The following WWP2 variants were observed in gnomAD, a reference collection of about 807,000 sequenced individuals.
WWP2 encodes the protein NEDD4-like E3 ubiquitin-protein ligase WWP2.
WWP2 carries 57 observed loss-of-function variants against 121.0 expected under a neutral mutation model. The ratio of observed to expected loss-of-function variants is 0.47; its 90% CI spans 0.38 to 0.59. The LOEUF (loss-of-function observed/expected upper bound fraction) is 0.59. Among genes scored for constraint, WWP2 ranks in the 20% least tolerant of loss-of-function variants. The pLI is 0.00. For missense variants in WWP2, 962 were observed against 1,158.9 expected (o/e 0.83, Z 2.47); for synonymous variants, 449 against 441.3 (o/e 1.02, Z -0.22).
intron 9 of WWP2, among the ~76,000 whole-genome samples, chr16:69,914,301 A>G (rs1467909174): frequency 6.6e-6 from 1 of 151,994 alleles, no homozygotes; most frequent in Non-Finnish European, 1.5e-5. Context: ...CCCAGAGGAT[A>G]AAAAAAGACT....
intron 8 of WWP2, among the ~76,000 whole-genome samples, chr16:69,902,441 A>T (rs939896389): frequency 6.6e-6 from 1 of 152,202 alleles, no homozygotes; most frequent in Admixed American, 6.6e-5. Context: ...AAGTACTTTG[A>T]AGTACAAAGA....
intron 8 of WWP2, among the ~76,000 whole-genome samples, chr16:69,894,016 T>C (rs966093517): frequency 2.0e-5 from 3 of 152,138 alleles, no homozygotes; most frequent in Non-Finnish European, 4.4e-5. Context: ...TCTCCCTCAC[T>C]GAGTGACAGG....
At chr16:69,933,874 A>C in intron 16 of WWP2, 96 bp from the exon 17 acceptor site, 193 of 1,431,820 alleles carry the variant, frequency 1.3e-4, no homozygotes, top group Middle Eastern at 1.8e-4. Flanking sequence ...GTGTCCCCAT[A>C]CTAACCTGAG....
In WWP2 at chr16:69,929,486, C is replaced by T; in HGVS notation, c.1273C>T (p.His425Tyr). ...QDNGRVYYVN[H>Y]NTRTTQWEDP... ...CAATGGACGGGTGTATTACGTGAAC[C>T]ATAACACTCGCACGACCCAGTGGGA... is the stretch of plus-strand genomic sequence containing the variant. The change falls in exon 12 of 24, where the codon CAT (histidine) becomes TAT (tyrosine). Residue 425 changes from histidine to tyrosine, a missense_variant. This residue lies in a region of WWP2 where 606 missense variants were observed against 772.6 expected (regional missense o/e 0.78). Transcript: ENST00000359154. 6.2e-7 allele frequency: 1 copy of T among 1,614,138 alleles called. No individual in the cohort carries two copies. The highest frequency in any genetic ancestry group is 8.5e-7 in the Non-Finnish European group (1 of 1,180,010).
chr16:69,873,542 G>T (rs3790076), intron 7 of WWP2, among the ~76,000 whole-genome samples: 96,711 of 152,128 alleles, frequency 0.64, 31,519 homozygotes, highest in East Asian at 0.9. Context: ...CTGTATCCTT[G>T]TGCTGGAACA....
chr16:69,932,193 G>A (rs2058726902), intron 16 of WWP2, among the ~76,000 whole-genome samples: 1 of 152,276 alleles, frequency 6.6e-6, no homozygotes. Flanking sequence ...GCTGGGCGTG[G>A]TGGTGCATGC....
In WWP2 at chr16:69,934,138, G is replaced by A; in HGVS notation, c.1842+9G>A. On this transcript the variant is annotated intron_variant, in intron 17 of 23. Coordinates refer to ENST00000359154, the MANE Select transcript of WWP2 (RefSeq NM_001270454.2). ...GCAGATTCATCGCCATGGTAAGGGG[G>A]CCCCAGGGGTCTGCCTAGTTCCCTC... is the stretch of plus-strand genomic sequence containing the variant. 1.2e-6 allele frequency: 2 copies of A among 1,614,042 alleles called. No individual in the cohort carries two copies. Among genetic ancestry groups the A allele is most frequent in the Non-Finnish European group, 1.7e-6 (2 of 1,179,944 alleles).
In WWP2 at chr16:69,840,118, C is replaced by G; in HGVS notation, c.341-8C>G. Reference sequence around the variant, plus strand: ...TAGCCCATCCATGTTGCCTTTTGTACCCCACAGTGGAGAACATGCAGCTGA... The same window carrying G: ...TAGCCCATCCATGTTGCCTTTTGTAGCCCACAGTGGAGAACATGCAGCTGA... On this transcript the variant is annotated splice_region_variant and splice_polypyrimidine_tract_variant and intron_variant, in intron 4 of 23. Coordinates refer to ENST00000359154, the MANE Select transcript of WWP2 (RefSeq NM_001270454.2). 6.2e-7 allele frequency: 1 copy of G among 1,614,110 alleles called. No individual in the cohort carries two copies. The highest frequency in any genetic ancestry group is 8.5e-7 in the Non-Finnish European group (1 of 1,179,962).
intron 8 of WWP2, among the ~76,000 whole-genome samples, chr16:69,900,382 C>T (rs2058184020): frequency 6.6e-6 from 1 of 152,028 alleles, no homozygotes; most frequent in Non-Finnish European, 1.5e-5. Flanking sequence ...AATCCCAGCA[C>T]TTTTGGGAGG....
chr16:69,917,652 AATTGGGGGATGGG>A, intron 9 of WWP2, 44 bp from the exon 10 acceptor site: 1 of 1,572,884 alleles, frequency 6.4e-7, no homozygotes, highest in Admixed American at 1.7e-5. Context: ...ACTTTTCTAG[AATTGGGGGATGGG>A]AGTGGGGTGG....
chr16:69,789,384 C>T (rs913589681), intron 2 of WWP2, among the ~76,000 whole-genome samples: 7 of 152,134 alleles, frequency 4.6e-5, no homozygotes, highest in South Asian at 2.1e-4. Flanking sequence ...CGTGTGCCAC[C>T]GCGCCTGGCT....
Position 69,937,752 on chromosome 16 carries a change from C to T in WWP2, c.2343+100C>T, listed in dbSNP as rs1041792820. 2.8e-6 allele frequency: 3 copies of T among 1,084,382 alleles called. No individual in the cohort carries two copies. The highest frequency in any genetic ancestry group is 4.3e-5 in the Admixed American group (2 of 46,758). 67.2% of individuals were successfully genotyped at this position (1,084,382 alleles called of 1,614,324 possible). On this transcript the variant is annotated intron_variant, in intron 21 of 23. Transcript: ENST00000359154. The surrounding 1 kb of genome is among the most constrained non-coding windows in gnomAD (Gnocchi z 6.6). ...ACGCGCAAGGACCTTCAGCTTTGGC[C>T]CTGTCCTTGCCTCCCACACCTTGCA...
intron 7 of WWP2, among the ~76,000 whole-genome samples, chr16:69,873,908 A>G (rs3790075): frequency 0.63 from 96,558 of 152,092 alleles, 31,379 homozygotes; most frequent in East Asian, 0.9. Context: ...CAATAGAGCT[A>G]TATTTCCCCT....
intron 10 of WWP2, among the ~76,000 whole-genome samples, chr16:69,924,607 T>A (rs915681712): frequency 6.6e-6 from 1 of 151,892 alleles, no homozygotes; most frequent in Admixed American, 6.6e-5. Flanking sequence ...GGGATTCTAA[T>A]GTAAACAGTG....
At chr16:69,793,220 G>T (rs562429787) in intron 2 of WWP2, among the ~76,000 whole-genome samples, 43 of 152,210 alleles carry the variant, frequency 2.8e-4, no homozygotes, top group Non-Finnish European at 5.0e-4. Flanking sequence ...GGGTGTGATG[G>T]CAGGCGCCTG....
At chr16:69,857,919 A>G (rs2057348324) in intron 6 of WWP2, among the ~76,000 whole-genome samples, 1 of 151,980 alleles carries the variant, frequency 6.6e-6, no homozygotes, top group South Asian at 2.1e-4. Context: ...AAGTGTTGGG[A>G]TTATAGGCGT....
rs200091634 is a variant in WWP2, at chr16:69,842,040, G to A, written c.495G>A (p.Ser165=). The change falls in exon 6 of 24, where the codon TCG becomes TCA. Residue 165 remains serine, a synonymous_variant. Coordinates refer to ENST00000359154, the MANE Select transcript of WWP2 (RefSeq NM_001270454.2). ...SALTDGSQLP[S]RDSSGTAVAP... The stretch of plus-strand genomic sequence containing the variant: ...CCTTTCTAGGATCACAGCTGCCTTC[G>A]AGAGACTCCAGTGGAACAGCAGTAG... 10 of 1,613,006 alleles carry A rather than the reference G, an allele frequency of 6.2e-6. No homozygotes were observed. Among genetic ancestry groups the A allele is most frequent in the Middle Eastern group, 1.6e-4 (1 of 6,062 alleles).
At chr16:69,800,308 T>G (rs748489006) in intron 4 of WWP2, among the ~76,000 whole-genome samples, 10 of 152,178 alleles carry the variant, frequency 6.6e-5, no homozygotes, top group African/African-American at 2.4e-4. Flanking sequence ...AATTGGTGTT[T>G]ATTTTCCCAA....
chr16:69,776,375 A>G (rs2055528074), intron 1 of WWP2: 1 of 152,192 alleles, frequency 6.6e-6, no homozygotes, highest in Admixed American at 6.5e-5. Context: ...ATAATCTTGT[A>G]AAGAAGGATT....
Sources: allele counts gnomAD v4.1 joint callset (sites outside exome capture counted in the v4.1 genomes callset), GRCh38; gene constraint gnomAD v4.1.1; regional missense constraint gnomAD v4.1.1; non-coding constraint Gnocchi (gnomAD v3.1); transcripts MANE v1.5; gene names NCBI Gene and HGNC (gene_info 2026-07-23, HGNC 2026-07-21).